Variants in PCDHGB1 observed in about 807,000 individuals in gnomAD.
PCDHGB1 encodes the protein protocadherin gamma-B1.
A neutral mutation model predicts 56.6 loss-of-function variants in PCDHGB1; 34 were observed. The ratio of observed to expected loss-of-function variants is 0.60; its 90% confidence interval spans 0.46 to 0.80. The LOEUF (loss-of-function observed/expected upper bound fraction) is 0.80. PCDHGB1 is among the 30% of genes least tolerant of loss of function. The pLI is 0.00. For missense variants in PCDHGB1, 1,278 were observed against 1,204.6 expected, an observed-to-expected ratio of 1.06 and a Z score of -0.90; for synonymous variants, 561 against 505.9, an observed-to-expected ratio of 1.11 and a Z score of -1.46.
intron 1 of PCDHGB1, chr5:141,399,194 C>T (rs770516092): frequency 1.2e-6 from 2 of 1,613,838 alleles, no homozygotes; most frequent in South Asian, 1.1e-5. Context: ...CTGGAAAACG[C>T]GGTGCCTGGA....
chr5:141,395,391 A>G, intron 1 of PCDHGB1: 2 of 944,730 alleles, frequency 2.1e-6, no homozygotes, highest in Non-Finnish European at 3.1e-6. Flanking sequence ...ATAAAATTGA[A>G]CTCTAATAGT....
At chr5:141,383,983 C>G (rs769557615) in intron 1 of PCDHGB1, 1 of 1,613,794 alleles carries the variant, frequency 6.2e-7, no homozygotes, top group Non-Finnish European at 8.5e-7. Flanking sequence ...AGACACACCT[C>G]TTGGGACAGT....
chr5:141,473,479 G>GA (rs150184379), intron 1 of PCDHGB1, among the ~76,000 whole-genome samples: 6,877 of 152,218 alleles, frequency 0.045, 184 homozygotes, highest in Middle Eastern at 0.088. Flanking sequence ...AAGTTCAATG[G>GA]AAAAAATATA....
At chr5:141,398,521 A>C in intron 1 of PCDHGB1, 1 of 1,613,690 alleles carries the variant, frequency 6.2e-7, no homozygotes, top group Non-Finnish European at 8.5e-7. Context: ...CCACACGCCA[A>C]AATTCACGCA....
At chr5:141,402,826 G>A (rs776479870) in intron 1 of PCDHGB1, 37 of 1,328,842 alleles carry the variant, frequency 2.8e-5, no homozygotes, top group Middle Eastern at 2.7e-4. Flanking sequence ...CCTGCTCCCA[G>A]GCTGCAGCAA....
intron 1 of PCDHGB1, chr5:141,403,573 C>G: frequency 6.2e-7 from 1 of 1,613,946 alleles, no homozygotes; most frequent in South Asian, 1.1e-5. Context: ...AGGCAACTGC[C>G]CACCACCTGG....
rs901230493 is a variant in PCDHGB1, at chr5:141,487,514, C to T, written c.2410-7293C>T. 7 of 1,614,150 alleles carry T rather than the reference C, an allele frequency of 4.3e-6. No homozygotes were observed. The highest frequency in any genetic ancestry group is 1.1e-5 in the South Asian group (1 of 91,070). On this transcript the variant is annotated intron_variant, in intron 1 of 3. Transcript: ENST00000523390. The surrounding 1 kb of genome is among the most constrained non-coding windows in gnomAD (Gnocchi z 5.0). Reference sequence around the variant, plus strand: ...TACACCCTTGGCTTCTGCACCCACTCGGAGTGATAGCTTCATGATGGTGAA... The same window carrying T: ...TACACCCTTGGCTTCTGCACCCACTTGGAGTGATAGCTTCATGATGGTGAA...
Position 141,366,619 on chromosome 5 carries a change from G to A in PCDHGB1, c.2409+13950G>A, listed in dbSNP as rs769993265. On this transcript the variant is annotated intron_variant, in intron 1 of 3. Coordinates refer to ENST00000523390, the MANE Select transcript of PCDHGB1 (RefSeq NM_018922.3). ...ACGAGGTCTCCCTCACCGCGGACTC[G>A]AGGAAGAGTCACCTGATCTTTCCCC... 5.0e-6 allele frequency: 8 copies of A among 1,614,104 alleles called. No homozygotes were observed. In the African/African-American group the frequency reaches 6.7e-5, roughly 13 times the overall value.
At chr5:141,444,561 G>A (rs1554133061) in intron 1 of PCDHGB1, among the ~76,000 whole-genome samples, 2 of 152,098 alleles carry the variant, frequency 1.3e-5, no homozygotes, top group Non-Finnish European at 2.9e-5. Context: ...GCACTTATTT[G>A]ACACTTTTGA....
Position 141,485,119 on chromosome 5 carries a change from C to A in PCDHGB1, c.2410-9688C>A. 3.0e-6 allele frequency: 4 copies of A among 1,328,812 alleles called. No homozygotes were observed. Among genetic ancestry groups the A allele is most frequent in the Non-Finnish European group, 4.3e-6 (4 of 935,940 alleles). The allele number at this position is 1,328,812 out of a possible 1,614,324, so 82.3% of individuals were successfully genotyped here. ...CTCCAGCTGCTGTGGCTGTTTGGGG[C>A]GGGTCGGCTTCATCCGCGTCTCAGG... On this transcript the variant is annotated intron_variant, in intron 1 of 3. Transcript: ENST00000523390. This position sits in a 1 kb window ranked among gnomAD's most constrained non-coding sequence, Gnocchi z 5.7.
chr5:141,375,645 A>G (rs1052759532), intron 1 of PCDHGB1: 1 of 1,614,002 alleles, frequency 6.2e-7, no homozygotes, highest in African/African-American at 1.3e-5. Flanking sequence ...CGCTCCTTCG[A>G]CTATGAGCAG....
Position 141,485,731 on chromosome 5 carries a change from C to T in PCDHGB1, c.2410-9076C>T, listed in dbSNP as rs1440070106. The T allele has an allele frequency of 1.9e-6, 3 of 1,614,036 alleles. No individual in the cohort carries two copies. The highest frequency in any genetic ancestry group is 2.2e-5 in the South Asian group (2 of 91,080). On this transcript the variant is annotated intron_variant, in intron 1 of 3. Transcript: ENST00000523390. This position sits in a 1 kb window ranked among gnomAD's most constrained non-coding sequence, Gnocchi z 5.7. ...TTGCACTGGATGTGAAGAAGCGCAG[C>T]GACGGCAGCCTGGTCCCAGAGCTGC...
chr5:141,382,965 C>T, intron 1 of PCDHGB1: 1 of 1,608,730 alleles, frequency 6.2e-7, no homozygotes, highest in East Asian at 2.2e-5. Flanking sequence ...TCCTGGGGAC[C>T]CCCTGGGAAG....
At chr5:141,407,881 C>T in intron 1 of PCDHGB1, 2 of 375,244 alleles carry the variant, frequency 5.3e-6, no homozygotes, top group Non-Finnish European at 9.5e-6. Context: ...ATATACATTT[C>T]GGAGACCGAA....
chr5:141,491,114 C>T lies in PCDHGB1; in HGVS notation c.2410-3693C>T, dbSNP rs1240431232. 1 of 1,614,104 alleles carries T rather than the reference C, an allele frequency of 6.2e-7. No homozygotes were observed. Among genetic ancestry groups the T allele is most frequent in the Admixed American group, 1.7e-5 (1 of 60,012 alleles). ...GGACTGTTCCTCGTGTCTACACACA[C>T]TGGTGAGGTGCGCACAGCCCGGGCC... On this transcript the variant is annotated intron_variant, in intron 1 of 3. Transcript: ENST00000523390. The surrounding 1 kb of genome is among the most constrained non-coding windows in gnomAD (Gnocchi z 6.9).
At chr5:141,409,587 C>G (rs13184186) in intron 1 of PCDHGB1, 1 of 1,613,902 alleles carries the variant, frequency 6.2e-7, no homozygotes, top group Non-Finnish European at 8.5e-7. Context: ...GTCCACGTGG[C>G]CGAGAACAAC....
intron 1 of PCDHGB1, chr5:141,419,057 A>T: frequency 6.2e-7 from 1 of 1,613,900 alleles, no homozygotes; most frequent in East Asian, 2.2e-5. Flanking sequence ...TTCTTCTAAT[A>T]ATTACTACAA....
At chr5:141,411,732 A>C (rs1437829295) in intron 1 of PCDHGB1, 4 of 152,694 alleles carry the variant, frequency 2.6e-5, no homozygotes, top group African/African-American at 9.7e-5. Flanking sequence ...ACATTTAAAA[A>C]TTAGCAGGGT....
rs564439931 is a variant in PCDHGB1 at position 141,490,480 on chromosome 5, C to T, written c.2410-4327C>T. On this transcript the variant is annotated intron_variant, in intron 1 of 3. Coordinates refer to ENST00000523390, the MANE Select transcript of PCDHGB1 (RefSeq NM_018922.3). The surrounding 1 kb of genome is among the most constrained non-coding windows in gnomAD (Gnocchi z 5.4). ...GCTGCTAACCAGCCAGCCTTTGGAC[C>T]GGGAGGCCACATCCCACTATATCAT... The T allele has an allele frequency of 3.5e-5, 56 of 1,614,194 alleles. No individual in the cohort carries two copies. Among genetic ancestry groups the T allele is most frequent in the Admixed American group, 1.5e-4 (9 of 60,022 alleles).
Sources: gnomAD v4.1 joint callset for allele counts (sites outside exome capture counted in the v4.1 genomes callset) on GRCh38, gnomAD v4.1.1 for gene constraint, Gnocchi (gnomAD v3.1) non-coding constraint, MANE v1.5 for transcripts, NCBI Gene and HGNC (gene_info 2026-07-23, HGNC 2026-07-21) for gene names.